The following KLHL29 variants were observed in gnomAD, a reference collection of about 807,000 sequenced individuals.
KLHL29 encodes kelch-like protein 29.
KLHL29 carries 21 observed loss-of-function variants against 80.4 expected under a neutral mutation model. The observed-to-expected ratio is 0.26, with a 90% CI of 0.19 to 0.38. The LOEUF (loss-of-function observed/expected upper bound fraction) is 0.38. Ranked by LOEUF, KLHL29 falls within the 10% of genes least tolerant of loss-of-function variation. The pLI is 1.00. For missense variants in KLHL29, 867 were observed against 1,223.9 expected, an observed-to-expected ratio of 0.71 and a Z score of 4.35; for synonymous variants, 511 against 526.8, an observed-to-expected ratio of 0.97 and a Z score of 0.41.
At chr2:23,527,674 C>T (rs548357238) in intron 2 of KLHL29, among the ~76,000 whole-genome samples, 46 of 152,334 alleles carry the variant, frequency 3.0e-4, no homozygotes, top group African/African-American at 1.1e-3. Flanking sequence ...CCAAAACACG[C>T]AGCCCACGAA....
intron 1 of KLHL29, among the ~76,000 whole-genome samples, chr2:23,438,476 AT>A (rs1422554190): frequency 1.3e-4 from 18 of 139,252 alleles, no homozygotes; most frequent in Admixed American, 6.4e-4. Flanking sequence ...TTATTTTGAG[AT>A]ACGTCCCATC....
intron 3 of KLHL29, among the ~76,000 whole-genome samples, chr2:23,635,701 T>C (rs35232886): frequency 0.089 from 13,522 of 152,314 alleles, 848 homozygotes; most frequent in African/African-American, 0.17. Flanking sequence ...TCAGGCCTGA[T>C]GATGGGCAGA....
chr2:23,564,213 C>A (rs1055511894), intron 3 of KLHL29, among the ~76,000 whole-genome samples: 31 of 152,140 alleles, frequency 2.0e-4, no homozygotes, highest in African/African-American at 7.5e-4. Context: ...GGTGCTGGGG[C>A]TCCCCCACAG....
intron 3 of KLHL29, among the ~76,000 whole-genome samples, chr2:23,590,848 T>TCA (rs949920795): frequency 6.6e-6 from 1 of 152,158 alleles, no homozygotes; most frequent in Admixed American, 6.5e-5. Flanking sequence ...ATGCATTCAT[T>TCA]CACTCCATAG....
intron 3 of KLHL29, among the ~76,000 whole-genome samples, chr2:23,631,891 A>G (rs1412074414): frequency 6.6e-6 from 1 of 152,142 alleles, no homozygotes; most frequent in Admixed American, 6.5e-5. Flanking sequence ...GGTCCTGATG[A>G]GCAGCATCAA....
chr2:23,421,761 T>C (rs1362735694), intron 1 of KLHL29, among the ~76,000 whole-genome samples: 1 of 150,906 alleles, frequency 6.6e-6, no homozygotes, highest in African/African-American at 2.5e-5. Context: ...CATGTGTGTG[T>C]GTGTGTCTGT....
At chr2:23,433,046 A>T (rs986075404) in intron 1 of KLHL29, among the ~76,000 whole-genome samples, 1 of 152,070 alleles carries the variant, frequency 6.6e-6, no homozygotes, top group Admixed American at 6.5e-5. Flanking sequence ...TGACATTCAG[A>T]GTGTGTGCCC....
chr2:23,671,523 C>A (rs922662559), intron 5 of KLHL29, among the ~76,000 whole-genome samples: 1 of 152,176 alleles, frequency 6.6e-6, no homozygotes, highest in Non-Finnish European at 1.5e-5. Flanking sequence ...GCTCCTCATC[C>A]CTTATGGAGG....
chr2:23,491,460 G>A (rs186523431), intron 2 of KLHL29, among the ~76,000 whole-genome samples: 2 of 152,274 alleles, frequency 1.3e-5, no homozygotes, highest in East Asian at 3.9e-4. Flanking sequence ...CAGTAGCAGG[G>A]CCCTGTGTGG....
chr2:23,547,636 G>A (rs1334744700), intron 2 of KLHL29, among the ~76,000 whole-genome samples: 3 of 151,956 alleles, frequency 2.0e-5, no homozygotes, highest in Non-Finnish European at 2.9e-5. Context: ...TACTTCTACC[G>A]ATAGACATCG....
rs572462455 is a variant in KLHL29 at position 23,413,500 on chromosome 2, T to C, written c.-154+27720T>C. On this transcript the variant is annotated intron_variant, in intron 1 of 13. Transcript: ENST00000486442. ...ACTGCCATCACCGGGCAGAGGTTAA[T>C]TGAAAATTCATGTAACTATCCGCTC... Among the ~76,000 whole-genome samples, 2 of 152,300 alleles carry C rather than the reference T, an allele frequency of 1.3e-5. 1 individual carries two copies. The highest frequency in any genetic ancestry group is 4.1e-4 in the South Asian group (2 of 4,820).
At chr2:23,689,378 GT>G (rs1478017035) in intron 6 of KLHL29, 1 of 152,570 alleles carries the variant, frequency 6.6e-6, no homozygotes, top group African/African-American at 2.4e-5. Flanking sequence ...GGCTCAGACT[GT>G]GGGCAAGACA....
intron 3 of KLHL29, among the ~76,000 whole-genome samples, chr2:23,619,081 G>A (rs532070077): frequency 6.6e-6 from 1 of 152,334 alleles, no homozygotes; most frequent in Non-Finnish European, 1.5e-5. Context: ...CCCAGGGAAA[G>A]GCAGCCTCTC....
At chr2:23,567,858 CT>C (rs1453483011) in intron 3 of KLHL29, among the ~76,000 whole-genome samples, 1 of 152,232 alleles carries the variant, frequency 6.6e-6, no homozygotes, top group Non-Finnish European at 1.5e-5. Context: ...CTGTTGCTTT[CT>C]CCATGAACAA....
At position 23,634,040 on chromosome 2, in the gene KLHL29, T is replaced by A. The variant is rs763842679; in HGVS notation, c.286-5099T>A. Among the ~76,000 whole-genome samples the A allele has an allele frequency of 1.1e-4, 17 of 152,310 alleles. No individual in the cohort carries two copies. The Middle Eastern group carries it at 0.01, about 91-fold the overall frequency. ...CCTTGGGTCTCTCTCCAAGCCTGTG[T>A]GACCCCCACGGCTCCCTGGTGTAGG... On this transcript the variant is annotated intron_variant, in intron 3 of 13. Coordinates refer to ENST00000486442, the MANE Select transcript of KLHL29 (RefSeq NM_052920.2).
Position 23,393,871 on chromosome 2 carries a change from C to T in KLHL29, c.-154+8091C>T, listed in dbSNP as rs773640174. On this transcript the variant is annotated intron_variant, in intron 1 of 13. Transcript: ENST00000486442. ...CCTGACTGCTGGCCCGGCACTGGCA[C>T]GGTCACTCCTGTGTAGCTCTGCTGC... 2.6e-5 allele frequency among the ~76,000 whole-genome samples: 4 copies of T among 152,176 alleles called. No individual in the cohort carries two copies. In the East Asian group the frequency reaches 5.8e-4, roughly 22 times the overall value.
rs976987293 is a variant in KLHL29, at chr2:23,660,237, A to T, written c.940+17387A>T. 5.3e-5 allele frequency among the ~76,000 whole-genome samples: 8 copies of T among 152,310 alleles called. No homozygotes were observed. In the East Asian group the frequency reaches 1.6e-3, roughly 30 times the overall value. On this transcript the variant is annotated intron_variant, in intron 5 of 13. Coordinates refer to ENST00000486442, the MANE Select transcript of KLHL29 (RefSeq NM_052920.2). ...GCATGGACCACCCCCTGCCTCACCA[A>T]CTGAAAGACAGTATGCTGACATCAC...
chr2:23,413,298 G>GA lies in KLHL29; in HGVS notation c.-154+27520dup, dbSNP rs533024000. On this transcript the variant is annotated intron_variant, in intron 1 of 13. Transcript: ENST00000486442. ...AGCCAGATGAGCTGATCTCCATGCT[G>GA]AAGCCAACCATGGGGCCAGCCATTT... 1.5e-4 allele frequency among the ~76,000 whole-genome samples: 20 copies of GA among 137,818 alleles called. No individual in the cohort carries two copies. The South Asian group carries it at 5.3e-3, about 37-fold the overall frequency. 90.4% of individuals were successfully genotyped at this position (137,818 alleles called of 152,430 possible).
intron 2 of KLHL29, among the ~76,000 whole-genome samples, chr2:23,480,181 G>A (rs58912751): frequency 0.053 from 8,126 of 152,244 alleles, 417 homozygotes; most frequent in African/African-American, 0.13. Flanking sequence ...CACATTGACC[G>A]GAGTGCTTTA....
Sources: gnomAD v4.1 joint callset for allele counts (sites outside exome capture counted in the v4.1 genomes callset) on GRCh38, gnomAD v4.1.1 for gene constraint, MANE v1.5 for transcripts, NCBI Gene and HGNC (gene_info 2026-07-23, HGNC 2026-07-21) for gene names.